Variants in CABIN1 observed in about 807,000 individuals in gnomAD.
The protein encoded by CABIN1 is calcineurin-binding protein cabin-1.
A neutral mutation model predicts 227.7 loss-of-function variants in CABIN1; 133 were observed. The observed-to-expected ratio is 0.58, with a 90% confidence interval of 0.51 to 0.67. The LOEUF is 0.67. CABIN1 is among the 30% of genes least tolerant of loss of function. CABIN1 has a pLI of 0.00. For synonymous variants in CABIN1, 1,086 were observed against 1,155.1 expected (o/e 0.94, Z 1.21); for missense variants, 2,408 against 2,852.5 (o/e 0.84, Z 3.55).
intron 27 of CABIN1, among the ~76,000 whole-genome samples, chr22:24,114,000 T>C (rs2042945896): frequency 6.6e-6 from 1 of 152,314 alleles, no homozygotes; most frequent in South Asian, 2.1e-4. Flanking sequence ...CTGTTGTTGT[T>C]ATGACCCTCA....
At chr22:24,115,142 G>T (rs2043012099) in intron 27 of CABIN1, among the ~76,000 whole-genome samples, 1 of 152,178 alleles carries the variant, frequency 6.6e-6, no homozygotes, top group Admixed American at 6.5e-5. Flanking sequence ...AAACTTATCA[G>T]ACAAGTAAGA....
Position 24,119,491 on chromosome 22 carries a change from C to A in CABIN1, c.4425C>A (p.Pro1475=), listed in dbSNP as rs1427588194. 1 of 1,614,114 alleles carries A rather than the reference C, an allele frequency of 6.2e-7. No homozygotes were observed. The highest frequency in any genetic ancestry group is 8.5e-7 in the Non-Finnish European group (1 of 1,180,040). The change falls in exon 28 of 37, where the codon CCC becomes CCA. Residue 1475 remains proline (P), a synonymous_variant. Coordinates refer to ENST00000263119, the MANE Select transcript of CABIN1 (RefSeq NM_012295.4). ...CIPGKPSAST[P]TLWDGKKRGD... ...CTGGCAAGCCCTCAGCATCCACACCCACCCTGTGGGATGGGAAGAAGAGAG... is the reference window on the plus strand; with the variant it reads ...CTGGCAAGCCCTCAGCATCCACACCAACCCTGTGGGATGGGAAGAAGAGAG...
At chr22:24,086,633 C>T (rs757807035) in intron 22 of CABIN1, among the ~76,000 whole-genome samples, 2 of 152,332 alleles carry the variant, frequency 1.3e-5, no homozygotes, top group East Asian at 3.9e-4. Flanking sequence ...GTGAGGGTGG[C>T]GTCTGTCCAT....
rs772170217 is a variant in CABIN1, at chr22:24,119,374, C to T, written c.4308C>T (p.Asn1436=). The change falls in exon 28 of 37, where the codon AAC becomes AAT. Residue 1436 remains asparagine, a synonymous_variant. Transcript: ENST00000263119. ...CCTTCTTCTCAACTGTAGGAAAAAA[C>T]GAGGAGTCATTGGAGAGTACAGAAG... The part of the protein sequence containing the change: ...LQGATEERGK[N]EESLESTEGF... The T allele has an allele frequency of 1.1e-5, 17 of 1,612,786 alleles. No individual in the cohort carries two copies. Among genetic ancestry groups the T allele is most frequent in the Middle Eastern group, 1.6e-4 (1 of 6,062 alleles).
chr22:24,021,124 T>C (rs1180440994), intron 1 of CABIN1, among the ~76,000 whole-genome samples: 1 of 152,032 alleles, frequency 6.6e-6, no homozygotes, highest in African/African-American at 2.4e-5. Flanking sequence ...TTCAGTCTGC[T>C]CAGTAGCTGG....
At chr22:24,174,451 T>A (rs962931145) in intron 34 of CABIN1, among the ~76,000 whole-genome samples, 2 of 151,888 alleles carry the variant, frequency 1.3e-5, no homozygotes, top group African/African-American at 4.8e-5. Context: ...CGTCAAGGTG[T>A]GGGGGTGATG....
In CABIN1 at chr22:24,065,876, C is replaced by T. The variant is rs1432111626; in HGVS notation, c.2038-1111C>T. ...AAAACCAGTCAGGCGTGGCGGCGCA[C>T]GCCTGCAATCGCAGGCACTCGGCAG... On this transcript the variant is annotated intron_variant, in intron 15 of 36. Coordinates refer to ENST00000263119, the MANE Select transcript of CABIN1 (RefSeq NM_012295.4). 2.8e-4 allele frequency among the ~76,000 whole-genome samples: 43 copies of T among 152,198 alleles called. 1 individual carries two copies. The highest frequency in any genetic ancestry group is 2.7e-3 in the Admixed American group (41 of 15,288).
At chr22:24,015,426 G>A (rs2035197499) in intron 1 of CABIN1, among the ~76,000 whole-genome samples, 3 of 150,296 alleles carry the variant, frequency 2.0e-5, no homozygotes, top group Non-Finnish European at 3.0e-5. Flanking sequence ...CTCACTGCAA[G>A]CTCCGCCTCC....
At position 24,013,288 on chromosome 22, in the gene CABIN1, C is replaced by G. The variant is rs923428852; in HGVS notation, c.-75+1921C>G. Among the ~76,000 whole-genome samples the G allele has an allele frequency of 8.6e-5, 13 of 151,260 alleles. No individual in the cohort carries two copies. In the East Asian group the frequency reaches 2.5e-3, roughly 29 times the overall value. ...CTCGCCTCACTGCAAGCTCCGCCGCCTGGGTTCACGCCATTCTCCTGCCTC... is the reference window on the plus strand; with the variant it reads ...CTCGCCTCACTGCAAGCTCCGCCGCGTGGGTTCACGCCATTCTCCTGCCTC... On this transcript the variant is annotated intron_variant, in intron 1 of 36. Coordinates refer to ENST00000263119, the MANE Select transcript of CABIN1 (RefSeq NM_012295.4).
chr22:24,040,538 T>G (rs188987614), intron 4 of CABIN1, among the ~76,000 whole-genome samples: 18 of 152,352 alleles, frequency 1.2e-4, no homozygotes, highest in African/African-American at 3.8e-4. Flanking sequence ...TGTAATGAAA[T>G]AACTTTTCAT....
At chr22:24,064,930 A>T (rs1401349154) in intron 15 of CABIN1, among the ~76,000 whole-genome samples, 1 of 152,140 alleles carries the variant, frequency 6.6e-6, no homozygotes. Flanking sequence ...CTACACAGAC[A>T]CAGCAACCAT....
intron 7 of CABIN1, 69 bp from the exon 8 acceptor site, chr22:24,050,756 G>A (rs1713898275): frequency 6.3e-7 from 1 of 1,579,098 alleles, no homozygotes; most frequent in Non-Finnish European, 8.7e-7. Flanking sequence ...ATGCATTTTT[G>A]TGTGTAAAAT....
intron 19 of CABIN1, 91 bp downstream of exon 19, chr22:24,076,375 C>T (rs953086736): frequency 1.8e-5 from 19 of 1,050,324 alleles, no homozygotes; most frequent in Middle Eastern, 4.6e-4. Flanking sequence ...CATGTTGGCA[C>T]GCTGGGCTTG....
intron 29 of CABIN1, among the ~76,000 whole-genome samples, chr22:24,162,638 C>T (rs1469318919): frequency 2.0e-5 from 3 of 152,214 alleles, no homozygotes; most frequent in Non-Finnish European, 4.4e-5. Context: ...GCCTTTCAAG[C>T]CTCTCAGGGC....
At position 24,066,976 on chromosome 22, in the gene CABIN1, G is replaced by A. The variant is rs779778007; in HGVS notation, c.2038-11G>A. 176 of 1,613,996 alleles carry A rather than the reference G, an allele frequency of 1.1e-4. No individual in the cohort carries two copies. The highest frequency in any genetic ancestry group is 1.4e-4 in the Non-Finnish European group (167 of 1,179,974). ...GTTTACCCTCATACAGCATTGCCGG[G>A]CCTTTTTCAGATTGATAAGAACCTG... On this transcript the variant is annotated splice_polypyrimidine_tract_variant and intron_variant, in intron 15 of 36. Transcript: ENST00000263119.
At chr22:24,071,933 T>A (rs2040116206) in intron 17 of CABIN1, among the ~76,000 whole-genome samples, 1 of 152,142 alleles carries the variant, frequency 6.6e-6, no homozygotes, top group Admixed American at 6.5e-5. Context: ...TTGGAAACTT[T>A]CTTAATAAGG....
At position 24,166,987 on chromosome 22, in the gene CABIN1, A is replaced by G. The variant is rs758347692; in HGVS notation, c.5356A>G (p.Arg1786Gly). 114 of 1,575,594 alleles carry G rather than the reference A, an allele frequency of 7.2e-5. No homozygotes were observed. The highest frequency in any genetic ancestry group is 9.3e-5 in the Admixed American group (5 of 53,996). Residue 1786 changes from arginine (R) to glycine (G), a missense_variant, in exon 32 of 37, where the codon AGG becomes GGG. Physicochemically the swap from Arg to Gly is moderately radical, Grantham distance 125. Transcript: ENST00000263119. ...TPPLLPGRPA[R>G]DRGPESRPTE... is the part of the protein sequence containing the mutation. ...ACCCCTGCTGCCAGGTCGCCCCGCA[A>G]GGGACCGGGGCCCCGAGAGCCGGCC...
intron 29 of CABIN1, among the ~76,000 whole-genome samples, chr22:24,136,524 A>ATTTTTTTTTTTTTTTTTTTTTTTTTT (rs145864566): frequency 4.3e-5 from 3 of 69,876 alleles, no homozygotes; most frequent in East Asian, 5.1e-4. Context: ...TAATTTTTGT[A>ATTTTTTTTTTTTTTTTTTTTTTTTTT]TTTTTTTTTT....
rs376169717 is a variant in CABIN1 at position 24,177,709 on chromosome 22, C to T, written c.6411C>T (p.Ile2137=). The change falls in exon 36 of 37, where the codon ATC becomes ATT. Residue 2137 remains isoleucine, a synonymous_variant. Transcript: ENST00000263119. This position sits in a 1 kb window ranked among gnomAD's most constrained non-coding sequence, Gnocchi z 4.4. Reference sequence around the variant, plus strand: ...TGCCCAACATGCCAAAGCTGGTCATCCCCTCCGCCGCCACCAAGTTCCCCC... The same window carrying T: ...TGCCCAACATGCCAAAGCTGGTCATTCCCTCCGCCGCCACCAAGTTCCCCC... ...RPLPNMPKLV[I]PSAATKFPPE... is the part of the protein sequence containing the mutation. The T allele has an allele frequency of 1.2e-6, 2 of 1,613,274 alleles. No individual in the cohort carries two copies. The highest frequency in any genetic ancestry group is 2.2e-5 in the East Asian group (1 of 44,856).
Sources: gnomAD v4.1 joint callset for allele counts (sites outside exome capture counted in the v4.1 genomes callset) on GRCh38, gnomAD v4.1.1 for gene constraint, Gnocchi (gnomAD v3.1) non-coding constraint, MANE v1.5 for transcripts, NCBI Gene and HGNC (gene_info 2026-07-23, HGNC 2026-07-21) for gene names.